Variants in PRKG1 observed in about 807,000 individuals in gnomAD.
PRKG1 encodes the protein cGMP-dependent protein kinase 1.
In PRKG1, 35 loss-of-function variants were observed where a neutral mutation model predicts 88.1. The observed-to-expected ratio is 0.40, with a 90% CI of 0.30 to 0.53. The LOEUF (loss-of-function observed/expected upper bound fraction) is 0.53, where lower values mean the gene tolerates loss of function less well. Ranked by LOEUF, PRKG1 falls within the 20% of genes least tolerant of loss-of-function variation. The pLI is 0.59. For synonymous variants in PRKG1, 303 were observed against 292.5 expected (o/e 1.04, Z -0.37); for missense variants, 540 against 839.8 (o/e 0.64, Z 4.41).
chr10:52,022,757 G>A (rs1278774503), intron 5 of PRKG1, among the ~76,000 whole-genome samples: 1 of 152,096 alleles, frequency 6.6e-6, no homozygotes, highest in Non-Finnish European at 1.5e-5. Flanking sequence ...ATTTGGGTTT[G>A]TATGGAGCAT....
intron 5 of PRKG1, among the ~76,000 whole-genome samples, chr10:52,032,102 A>T (rs1045349614): frequency 2.0e-5 from 3 of 152,214 alleles, no homozygotes; most frequent in African/African-American, 7.2e-5. Context: ...GGATTGCAGC[A>T]GTGTTTTGGG....
intron 3 of PRKG1, among the ~76,000 whole-genome samples, chr10:51,614,367 A>G (rs1180430287): frequency 6.6e-6 from 1 of 151,508 alleles, no homozygotes; most frequent in Non-Finnish European, 1.5e-5. Flanking sequence ...TTTACTTTCA[A>G]TTTATATGTG....
chr10:52,246,875 T>TAAA (rs1841035993), intron 9 of PRKG1, among the ~76,000 whole-genome samples: 1 of 34,182 alleles, frequency 2.9e-5, no homozygotes, highest in Non-Finnish European at 5.0e-5. Context: ...AAACACAGTC[T>TAAA]CAAAAAAAAA....
intron 4 of PRKG1, among the ~76,000 whole-genome samples, chr10:51,883,203 C>G (rs753928568): frequency 1.3e-5 from 2 of 152,164 alleles, no homozygotes; most frequent in Non-Finnish European, 2.9e-5. Context: ...CAACTTATAC[C>G]ATTAGCTCCC....
At chr10:52,254,914 T>G (rs1841271752) in intron 10 of PRKG1, among the ~76,000 whole-genome samples, 1 of 152,080 alleles carries the variant, frequency 6.6e-6, no homozygotes, top group Non-Finnish European at 1.5e-5. Flanking sequence ...TCCTAAATAC[T>G]CTCAGCATAA....
At chr10:52,007,216 A>G (rs377013706) in intron 5 of PRKG1, among the ~76,000 whole-genome samples, 13 of 152,226 alleles carry the variant, frequency 8.5e-5, no homozygotes, top group African/African-American at 3.1e-4. Context: ...CACAAAAAAG[A>G]GTCTGTATTT....
intron 3 of PRKG1, among the ~76,000 whole-genome samples, chr10:51,596,789 C>T (rs185645260): frequency 2.0e-5 from 3 of 152,146 alleles, no homozygotes. Context: ...TAAACACTAC[C>T]AGTTATTTTT....
At chr10:51,005,399 C>T (rs1459569845) in intron 1 of PRKG1, among the ~76,000 whole-genome samples, 10 of 152,090 alleles carry the variant, frequency 6.6e-5, no homozygotes, top group Non-Finnish European at 1.0e-4. Context: ...TATCTTTGTT[C>T]GTCTCCTTTG....
intron 2 of PRKG1, among the ~76,000 whole-genome samples, chr10:51,315,022 CTACAT>C (rs1379137716): frequency 6.6e-6 from 1 of 152,108 alleles, no homozygotes; most frequent in African/African-American, 2.4e-5. Flanking sequence ...GATTTTCAAA[CTACAT>C]TACAGTAGAG....
chr10:51,690,687 G>A lies in PRKG1; in HGVS notation c.593-113898G>A, dbSNP rs538275865. 8.5e-5 allele frequency among the ~76,000 whole-genome samples: 13 copies of A among 152,130 alleles called. No individual in the cohort carries two copies. The South Asian group carries it at 2.3e-3, about 27-fold the overall frequency. On this transcript the variant is annotated intron_variant, in intron 3 of 17. Coordinates refer to ENST00000373980, the MANE Select transcript of PRKG1 (RefSeq NM_006258.4). ...TCACACCTGTAATCCCAGCACTTTG[G>A]GAGGCCGAGGAGGGTGGATAAGGAG...
intron 3 of PRKG1, chr10:51,698,350 T>C (rs1416897411): frequency 6.2e-7 from 1 of 1,614,168 alleles, no homozygotes; most frequent in South Asian, 1.1e-5. Flanking sequence ...CCCTTTGATC[T>C]ATCATGGGGC....
At chr10:51,141,311 ACTT>A (rs1320735090) in intron 1 of PRKG1, among the ~76,000 whole-genome samples, 1 of 151,972 alleles carries the variant, frequency 6.6e-6, no homozygotes, top group Non-Finnish European at 1.5e-5. Flanking sequence ...GCCTGCCTAA[ACTT>A]CTTTATTGCT....
At chr10:51,319,579 C>T (rs1268729301) in intron 2 of PRKG1, among the ~76,000 whole-genome samples, 1 of 152,128 alleles carries the variant, frequency 6.6e-6, no homozygotes, top group Non-Finnish European at 1.5e-5. Flanking sequence ...TTAGAAGTAC[C>T]ATACAGATGA....
At chr10:52,118,361 A>C (rs2132605383) in intron 7 of PRKG1, among the ~76,000 whole-genome samples, 2 of 152,162 alleles carry the variant, frequency 1.3e-5, no homozygotes, top group African/African-American at 4.8e-5. Context: ...GGATATTTAG[A>C]TATTTAAGCT....
At chr10:51,934,454 G>A (rs1443480248) in intron 5 of PRKG1, among the ~76,000 whole-genome samples, 1 of 152,070 alleles carries the variant, frequency 6.6e-6, no homozygotes, top group Non-Finnish European at 1.5e-5. Flanking sequence ...CAATCATTTT[G>A]CATTCGTTAA....
chr10:51,489,496 C>T (rs918333126), intron 3 of PRKG1, among the ~76,000 whole-genome samples: 1 of 152,170 alleles, frequency 6.6e-6, no homozygotes, highest in Non-Finnish European at 1.5e-5. Flanking sequence ...TCAGACCCCA[C>T]CCAAGACTCC....
chr10:51,093,250 A>G (rs557485660), intron 1 of PRKG1, among the ~76,000 whole-genome samples: 1 of 152,282 alleles, frequency 6.6e-6, no homozygotes, highest in South Asian at 2.1e-4. Flanking sequence ...AGGGCTAGCA[A>G]TCTGTATTTT....
intron 3 of PRKG1, among the ~76,000 whole-genome samples, chr10:51,774,524 G>A (rs1386515258): frequency 1.3e-5 from 2 of 151,998 alleles, no homozygotes; most frequent in African/African-American, 4.8e-5. Context: ...AGTCTCAGAA[G>A]TGTAATGGGT....
At chr10:51,948,611 A>G (rs749682798) in intron 5 of PRKG1, among the ~76,000 whole-genome samples, 9 of 151,918 alleles carry the variant, frequency 5.9e-5, no homozygotes, top group Admixed American at 1.3e-4. Flanking sequence ...ACTTTTTGTT[A>G]TATTTAAATT....
Sources: allele counts gnomAD v4.1 joint callset (sites outside exome capture counted in the v4.1 genomes callset), GRCh38; gene constraint gnomAD v4.1.1; transcripts MANE v1.5; gene names NCBI Gene and HGNC (gene_info 2026-07-23, HGNC 2026-07-21).